NKAIN2: variants seen among roughly 807,000 people sequenced by gnomAD.
NKAIN2 encodes the protein sodium/potassium transporting ATPase interacting 2, also known as sodium/potassium-transporting ATPase subunit beta-1-interacting protein 2.
Under a neutral mutation model 32.6 loss-of-function variants are expected in NKAIN2, and 14 were observed. The observed-to-expected ratio is 0.43, with a 90% confidence interval of 0.28 to 0.67. The LOEUF is 0.67. NKAIN2 is among the 30% of genes least tolerant of loss of function. The pLI is 0.17. For synonymous variants in NKAIN2, 80 were observed against 87.2 expected (o/e 0.92, Z 0.46); for missense variants, 198 against 258.3 (o/e 0.77, Z 1.60).
chr6:124,331,523 C>T lies in NKAIN2; in HGVS notation c.193-23744C>T, dbSNP rs372273951. Among the ~76,000 whole-genome samples, 777 of 133,384 alleles carry T rather than the reference C, an allele frequency of 5.8e-3. 4 individuals are homozygous for T. The highest frequency in any genetic ancestry group is 0.022 in the African/African-American group (726 of 33,472). The allele number at this position is 133,384 out of a possible 152,430, so 87.5% of individuals were successfully genotyped here. ...CAGCCTGGGTGACAGAGCGAGACTC[C>T]GTCTCAAAAAAAAAAAAAAAAAAAA... On this transcript the variant is annotated intron_variant, in intron 2 of 6. Coordinates refer to ENST00000368417, the MANE Select transcript of NKAIN2 (RefSeq NM_001040214.3).
chr6:123,931,200 A>G (rs1776237654), intron 1 of NKAIN2, among the ~76,000 whole-genome samples: 1 of 151,136 alleles, frequency 6.6e-6, no homozygotes, highest in Admixed American at 6.6e-5. Context: ...ACAGTTCAAT[A>G]TTGTCTCTTC....
Position 124,601,639 on chromosome 6 carries a change from A to G in NKAIN2, c.274-56547A>G, listed in dbSNP as rs544860190. On this transcript the variant is annotated intron_variant, in intron 3 of 6. Coordinates refer to ENST00000368417, the MANE Select transcript of NKAIN2 (RefSeq NM_001040214.3). ...CTGAAGAGTGCCTTATATGATTAGG[A>G]AATGTGTACCAGCAGGGCAAGACAT... 3.9e-5 allele frequency among the ~76,000 whole-genome samples: 6 copies of G among 152,154 alleles called. No homozygotes were observed. The South Asian group carries it at 1.2e-3, about 32-fold the overall frequency.
At chr6:123,944,497 A>T (rs73555214) in intron 1 of NKAIN2, among the ~76,000 whole-genome samples, 7,134 of 152,086 alleles carry the variant, frequency 0.047, 538 homozygotes, top group African/African-American at 0.16. Context: ...AGTTTCATGG[A>T]ATCATGTGCT....
At chr6:123,944,608 A>T (rs919762630) in intron 1 of NKAIN2, among the ~76,000 whole-genome samples, 1 of 152,112 alleles carries the variant, frequency 6.6e-6, no homozygotes, top group Non-Finnish European at 1.5e-5. Context: ...GCCTAAAAAA[A>T]GAAACATAAT....
intron 1 of NKAIN2, among the ~76,000 whole-genome samples, chr6:124,243,383 T>A (rs914200672): frequency 1.3e-5 from 2 of 151,898 alleles, no homozygotes; most frequent in African/African-American, 2.4e-5. Flanking sequence ...TAGTCCTAGC[T>A]ACTTGGCAGG....
rs557333655 is a variant in NKAIN2, at chr6:124,443,547, A to C, written c.273+88200A>C. On this transcript the variant is annotated intron_variant, in intron 3 of 6. Coordinates refer to ENST00000368417, the MANE Select transcript of NKAIN2 (RefSeq NM_001040214.3). The stretch of plus-strand genomic sequence containing the variant: ...CTTCAGTAGTTTACTGTCATTGACC[A>C]ACATTCTATCTGGCCTTAGTATGAC... Among the ~76,000 whole-genome samples the C allele has an allele frequency of 1.3e-4, 20 of 152,164 alleles. No individual in the cohort carries two copies. The South Asian group carries it at 4.1e-3, about 32-fold the overall frequency.
chr6:124,772,129 C>G (rs1778784817), intron 4 of NKAIN2, among the ~76,000 whole-genome samples: 1 of 152,148 alleles, frequency 6.6e-6, no homozygotes, highest in South Asian at 2.1e-4. Flanking sequence ...AGAAAGATCA[C>G]TCAGAAGCAT....
At chr6:124,182,561 A>G (rs2114549301) in intron 1 of NKAIN2, among the ~76,000 whole-genome samples, 1 of 152,342 alleles carries the variant, frequency 6.6e-6, no homozygotes, top group African/African-American at 2.4e-5. Context: ...CCAAGTGATT[A>G]ATGAAATTAA....
At chr6:124,815,691 A>G (rs1312052425) in intron 5 of NKAIN2, among the ~76,000 whole-genome samples, 2 of 151,254 alleles carry the variant, frequency 1.3e-5, no homozygotes, top group African/African-American at 4.8e-5. Context: ...TGTAGAAGAC[A>G]AAAGAGGATC....
intron 5 of NKAIN2, chr6:124,794,779 T>G (rs1166176366): frequency 2.1e-6 from 1 of 466,270 alleles, no homozygotes; most frequent in Non-Finnish European, 2.8e-6. Context: ...ATGAGTATCT[T>G]TTGGTTACAA....
rs545149833 is a variant in NKAIN2, at chr6:124,282,374, A to G, written c.55-631A>G. On this transcript the variant is annotated intron_variant, in intron 1 of 6. Transcript: ENST00000368417. ...ACCTGGTAGCCAGGTATGACAAAAC[A>G]TCATATTTGATCTATAATACAACAC... The G allele has an allele frequency of 2.3e-4, 62 of 273,538 alleles. 2 individuals are homozygous for G. The highest frequency in any genetic ancestry group is 2.2e-3 in the Middle Eastern group (2 of 892). 16.9% of individuals were successfully genotyped at this position (273,538 alleles called of 1,614,324 possible).
At chr6:124,355,395 T>A (rs185979009) in intron 3 of NKAIN2, 48 bp downstream of exon 3, 1 of 1,055,284 alleles carries the variant, frequency 9.5e-7, no homozygotes, top group Non-Finnish European at 1.5e-6. Flanking sequence ...TGTTAACAAG[T>A]CTCTTCCTAA....
intron 4 of NKAIN2, among the ~76,000 whole-genome samples, chr6:124,706,625 T>C (rs1461666812): frequency 1.3e-5 from 2 of 152,000 alleles, no homozygotes; most frequent in Non-Finnish European, 2.9e-5. Context: ...AATCCAGGAA[T>C]AAAAGATGTG....
chr6:124,815,608 G>A (rs1446836341), intron 5 of NKAIN2, among the ~76,000 whole-genome samples: 1 of 152,002 alleles, frequency 6.6e-6, no homozygotes, highest in East Asian at 1.9e-4. Flanking sequence ...TAGAGTCACT[G>A]TGTAATTATT....
At chr6:124,563,684 G>T (rs1311896580) in intron 3 of NKAIN2, among the ~76,000 whole-genome samples, 1 of 152,170 alleles carries the variant, frequency 6.6e-6, no homozygotes, top group Non-Finnish European at 1.5e-5. Flanking sequence ...CTGAGATGGA[G>T]TCTCACTCTG....
chr6:124,521,081 A>C (rs940535907), intron 3 of NKAIN2, among the ~76,000 whole-genome samples: 1 of 152,112 alleles, frequency 6.6e-6, no homozygotes, highest in Non-Finnish European at 1.5e-5. Flanking sequence ...TGAAGTCTGC[A>C]AATAGAGTTT....
intron 1 of NKAIN2, among the ~76,000 whole-genome samples, chr6:123,999,276 T>C (rs1779778071): frequency 6.6e-6 from 1 of 152,170 alleles, no homozygotes; most frequent in African/African-American, 2.4e-5. Flanking sequence ...CATTATATTC[T>C]AAGGTGATGT....
intron 1 of NKAIN2, among the ~76,000 whole-genome samples, chr6:124,149,053 T>C (rs1349204298): frequency 1.3e-5 from 2 of 152,184 alleles, no homozygotes; most frequent in Non-Finnish European, 2.9e-5. Context: ...TCCCTGACAA[T>C]TCAAGATATT....
chr6:124,285,417 A>G (rs1795493167), intron 2 of NKAIN2, among the ~76,000 whole-genome samples: 3 of 152,118 alleles, frequency 2.0e-5, no homozygotes. Flanking sequence ...TCATAGGCAT[A>G]TTTTCTATCT....
Sources: allele counts gnomAD v4.1 joint callset (sites outside exome capture counted in the v4.1 genomes callset), GRCh38; gene constraint gnomAD v4.1.1; transcripts MANE v1.5; gene names NCBI Gene and HGNC (gene_info 2026-07-23, HGNC 2026-07-21).